CHD8: variants seen among roughly 807,000 people sequenced by gnomAD.
The protein encoded by CHD8 is ATP-dependent chromatin remodeler CHD8.
In CHD8, 31 loss-of-function variants were observed where a neutral mutation model predicts 279.2. That is an observed-to-expected ratio of 0.11 (90% confidence interval 0.08 to 0.15). The LOEUF (loss-of-function observed/expected upper bound fraction) is 0.15, where lower values mean the gene tolerates loss of function less well. Among genes scored for constraint, CHD8 ranks in the 10% least tolerant of loss-of-function variants. CHD8 has a pLI of 1.00. For missense variants in CHD8, 2,146 were observed against 3,230.5 expected, an observed-to-expected ratio of 0.66 and a Z score of 8.14; for synonymous variants, 1,081 against 1,139.6, an observed-to-expected ratio of 0.95 and a Z score of 1.04.
chr14:21,395,150 G>GTA, intron 29 of CHD8, 31 bp from the exon 30 acceptor site: 1 of 1,599,826 alleles, frequency 6.3e-7, no homozygotes, highest in Non-Finnish European at 8.5e-7. Flanking sequence ...TGAATAGGAA[G>GTA]TATAGCAAGG....
intron 1 of CHD8, among the ~76,000 whole-genome samples, chr14:21,441,377 T>C (rs1889956432): frequency 6.8e-6 from 1 of 147,402 alleles, no homozygotes; most frequent in Non-Finnish European, 1.5e-5. Flanking sequence ...ATGATTCCTG[T>C]TGTTTGCAAC....
chr14:21,420,918 A>C (rs1889008456), intron 5 of CHD8, among the ~76,000 whole-genome samples: 1 of 152,128 alleles, frequency 6.6e-6, no homozygotes, highest in Non-Finnish European at 1.5e-5. Context: ...GTGCACCACC[A>C]TGCCCAGCTA....
Position 21,401,007 on chromosome 14 carries a change from T to A in CHD8, c.4238A>T (p.Asp1413Val), listed in dbSNP as rs372249897. 2.5e-6 allele frequency: 4 copies of A among 1,613,884 alleles called. No homozygotes were observed. The highest frequency in any genetic ancestry group is 3.4e-6 in the Non-Finnish European group (4 of 1,179,896). Residue 1413 changes from aspartate (D) to valine (V), a missense_variant, in exon 22 of 38, where the codon GAT becomes GTT. Asp to Val is a radical substitution (Grantham distance 152). Coordinates refer to ENST00000646647, the MANE Select transcript of CHD8 (RefSeq NM_001170629.2). Reference sequence around the variant, plus strand: ...ATCAGAGAATTCCACCAGGTCATCATCTTTCAGAGTGCTAAAGTGGCGCGT... The same window carrying A: ...ATCAGAGAATTCCACCAGGTCATCAACTTTCAGAGTGCTAAAGTGGCGCGT... The part of the protein sequence containing the change: ...KQTRHFSTLK[D>V]DDLVEFSDLE...
At chr14:21,450,733 A>C (rs541095000) in intron 1 of CHD8, among the ~76,000 whole-genome samples, 1 of 152,176 alleles carries the variant, frequency 6.6e-6, no homozygotes, top group African/African-American at 2.4e-5. Flanking sequence ...CCTTCTTCTC[A>C]AATAAAATTA....
intron 1 of CHD8, chr14:21,437,268 C>A (rs1889825570): frequency 1.3e-5 from 15 of 1,156,934 alleles, no homozygotes; most frequent in Non-Finnish European, 1.6e-5. Flanking sequence ...TCCTGCGCAA[C>A]CTAACCTGAT....
At position 21,395,874 on chromosome 14, in the gene CHD8, A is replaced by G. The variant is rs369235291; in HGVS notation, c.5070T>C (p.Asp1690=). Residue 1690 remains aspartate, a synonymous_variant, in exon 28 of 38, where the codon GAT becomes GAC. Transcript: ENST00000646647. ...GTGGTTTATATTCAGGATCTTCACA[A>G]TCTTTATCAAAGTCAACCCTAAAAT... is the stretch of plus-strand genomic sequence containing the variant. ...DIVEGVDFDK[D]CEDPEYKPLQ... The G allele has an allele frequency of 5.7e-5, 92 of 1,611,494 alleles. No homozygotes were observed. Among genetic ancestry groups the G allele is most frequent in the Non-Finnish European group, 7.0e-5 (82 of 1,177,996 alleles).
rs748872132 is a variant in CHD8 at position 21,408,522 on chromosome 14, C to T, written c.2520G>A (p.Leu840=). 6.2e-7 allele frequency: 1 copy of T among 1,613,644 alleles called. No individual in the cohort carries two copies. The highest frequency in any genetic ancestry group is 8.5e-7 in the Non-Finnish European group (1 of 1,179,818). The part of the protein sequence containing the change: ...QNCILADEMG[L]GKTIQSIAFL... Reference sequence around the variant, plus strand: ...AGGCAATGGACTGAATAGTTTTGCCCAATCCCATCTCATCAGCCAGGATGC... The same window carrying T: ...AGGCAATGGACTGAATAGTTTTGCCTAATCCCATCTCATCAGCCAGGATGC... The change falls in exon 13 of 38, where the codon TTG becomes TTA. Residue 840 remains leucine, a synonymous_variant. Transcript: ENST00000646647. The surrounding 1 kb of genome is among the most constrained non-coding windows in gnomAD (Gnocchi z 4.3).
intron 21 of CHD8, 50 bp downstream of exon 21, chr14:21,401,353 A>C (rs1391633024): frequency 9.8e-6 from 11 of 1,125,296 alleles, no homozygotes; most frequent in South Asian, 5.8e-5. Context: ...AAGACTCCCG[A>C]AAGTAGTGTG....
chr14:21,429,837 AG>A (rs1186364737), intron 2 of CHD8: 4 of 220,768 alleles, frequency 1.8e-5, no homozygotes, highest in Non-Finnish European at 3.7e-5. Flanking sequence ...TGTAGAGATG[AG>A]GTCTATGTTT....
intron 1 of CHD8, among the ~76,000 whole-genome samples, chr14:21,448,041 T>C (rs1167694712): frequency 1.3e-5 from 2 of 152,212 alleles, no homozygotes; most frequent in Non-Finnish European, 1.5e-5. Flanking sequence ...CCCACATACA[T>C]TCCTGCATGC....
chr14:21,394,432 A>G lies in CHD8; in HGVS notation c.5444T>C (p.Val1815Ala). 6.2e-7 allele frequency: 1 copy of G among 1,613,260 alleles called. No homozygotes were observed. Among genetic ancestry groups the G allele is most frequent in the Non-Finnish European group, 8.5e-7 (1 of 1,179,544 alleles). Residue 1815 changes from valine to alanine, a missense_variant, in exon 31 of 38, where the codon GTG (valine) becomes GCG (alanine). Coordinates refer to ENST00000646647, the MANE Select transcript of CHD8 (RefSeq NM_001170629.2). ...DFYRVVSTFG[V>A]EYDPDTMQFH... is the part of the protein sequence containing the mutation. ...CTGCATGGTGTCAGGGTCATATTCC[A>G]CACCAAACGTAGACACCACTCGATA... is the stretch of plus-strand genomic sequence containing the variant.
rs184930403 is a variant in CHD8, at chr14:21,395,237, G to A, written c.5182+61C>T. On this transcript the variant is annotated intron_variant, in intron 29 of 37. Transcript: ENST00000646647. ...AAATCCCAGGATAGGACAGAATTCAGTGAATAATTCCCCAACCCACCACCC... is the reference window on the plus strand; with the variant it reads ...AAATCCCAGGATAGGACAGAATTCAATGAATAATTCCCCAACCCACCACCC... The A allele has an allele frequency of 2.9e-3, 4,494 of 1,534,624 alleles. 17 individuals are homozygous for A. The highest frequency in any genetic ancestry group is 3.3e-3 in the Non-Finnish European group (3,683 of 1,117,100).
chr14:21,394,578 T>C (rs1276562642), intron 30 of CHD8, 93 bp from the exon 31 acceptor site: 3 of 240,954 alleles, frequency 1.2e-5, no homozygotes, highest in African/African-American at 6.7e-5. Flanking sequence ...TTAGAATATC[T>C]GAAAACACAA....
Position 21,395,289 on chromosome 14 carries a change from G to A in CHD8, c.5182+9C>T. On this transcript the variant is annotated intron_variant, in intron 29 of 37. Coordinates refer to ENST00000646647, the MANE Select transcript of CHD8 (RefSeq NM_001170629.2). ...ACACAGAATTATACTAGTTGACCTAGAAGTTTACCTTCATCTCCATCAATC... is the reference window on the plus strand; with the variant it reads ...ACACAGAATTATACTAGTTGACCTAAAAGTTTACCTTCATCTCCATCAATC... 1 of 1,601,706 alleles carries A rather than the reference G, an allele frequency of 6.2e-7. No individual in the cohort carries two copies. The highest frequency in any genetic ancestry group is 8.5e-7 in the Non-Finnish European group (1 of 1,170,616).
At chr14:21,448,982 G>A (rs914365749) in intron 1 of CHD8, among the ~76,000 whole-genome samples, 1 of 151,664 alleles carries the variant, frequency 6.6e-6, no homozygotes, top group African/African-American at 2.4e-5. Flanking sequence ...AGACCATCCT[G>A]GCTAACAAGG....
chr14:21,437,655 C>G (rs1383182770), intron 1 of CHD8, among the ~76,000 whole-genome samples: 1 of 152,304 alleles, frequency 6.6e-6, no homozygotes, highest in Non-Finnish European at 1.5e-5. Flanking sequence ...AACCCCTCTC[C>G]TGTAGTGACT....
chr14:21,413,457 C>A (rs1038919210), intron 9 of CHD8, among the ~76,000 whole-genome samples: 3 of 148,566 alleles, frequency 2.0e-5, no homozygotes, highest in Non-Finnish European at 4.4e-5. Context: ...TGCAGTAGAG[C>A]GATCTTGGCT....
At chr14:21,442,208 C>T (rs1889994417) in intron 1 of CHD8, among the ~76,000 whole-genome samples, 1 of 152,150 alleles carries the variant, frequency 6.6e-6, no homozygotes, top group Non-Finnish European at 1.5e-5. Context: ...GTGGCTCATG[C>T]CTGTAATCCC....
At chr14:21,409,177 G>C (rs896050020) in intron 11 of CHD8, among the ~76,000 whole-genome samples, 2 of 152,174 alleles carry the variant, frequency 1.3e-5, no homozygotes, top group South Asian at 4.1e-4. Context: ...AGTGGCTACT[G>C]TATTAGACAG....
Sources: allele counts gnomAD v4.1 joint callset (sites outside exome capture counted in the v4.1 genomes callset), GRCh38; gene constraint gnomAD v4.1.1; non-coding constraint Gnocchi (gnomAD v3.1); transcripts MANE v1.5; gene names NCBI Gene and HGNC (gene_info 2026-07-23, HGNC 2026-07-21).